Variants in GNB1 observed in about 807,000 individuals in gnomAD.
The protein encoded by GNB1 is G protein subunit beta 1.
A neutral mutation model predicts 42.9 loss-of-function variants in GNB1; 2 were observed. The observed-to-expected ratio is 0.05, with a 90% CI of 0.02 to 0.15. The LOEUF is 0.15. Among genes scored for constraint, GNB1 ranks in the 10% least tolerant of loss-of-function variants. The pLI is 1.00. For synonymous variants in GNB1, 183 were observed against 174.7 expected (o/e 1.05, Z -0.38); for missense variants, 193 against 462.2 (o/e 0.42, Z 5.34).
chr1:1,841,142 G>A (rs1009127583), intron 1 of GNB1, among the ~76,000 whole-genome samples: 22 of 151,906 alleles, frequency 1.4e-4, no homozygotes, highest in African/African-American at 5.1e-4. Flanking sequence ...TGCCCACCTC[G>A]GCCTCCCAAA....
chr1:1,809,117 C>A (rs994829878), intron 5 of GNB1, among the ~76,000 whole-genome samples: 1 of 151,852 alleles, frequency 6.6e-6, no homozygotes, highest in African/African-American at 2.4e-5. Flanking sequence ...TTTTCACCTG[C>A]ACTTTATTAC....
At chr1:1,866,560 C>T (rs1407106481) in intron 1 of GNB1, among the ~76,000 whole-genome samples, 1 of 151,840 alleles carries the variant, frequency 6.6e-6, no homozygotes, top group Non-Finnish European at 1.5e-5. Context: ...AATCTTTTGG[C>T]TTCCCTGGGC....
At chr1:1,829,197 C>T (rs1647041701) in intron 2 of GNB1, among the ~76,000 whole-genome samples, 2 of 152,098 alleles carry the variant, frequency 1.3e-5, no homozygotes, top group Non-Finnish European at 2.9e-5. Flanking sequence ...GCTGGAATTA[C>T]AGGCGTATGC....
chr1:1,837,931 G>A (rs895074900), intron 2 of GNB1, among the ~76,000 whole-genome samples: 4 of 152,046 alleles, frequency 2.6e-5, no homozygotes, highest in Non-Finnish European at 4.4e-5. Context: ...AACCAGGCGT[G>A]GTGGCTCACG....
intron 6 of GNB1, among the ~76,000 whole-genome samples, chr1:1,805,062 T>TG (rs1255032606): frequency 6.6e-6 from 1 of 152,198 alleles, no homozygotes; most frequent in Non-Finnish European, 1.5e-5. Flanking sequence ...CTTGAGTGAC[T>TG]GGGGCAGGAG....
chr1:1,848,915 A>C (rs992992511), intron 1 of GNB1, among the ~76,000 whole-genome samples: 1 of 152,244 alleles, frequency 6.6e-6, no homozygotes, highest in African/African-American at 2.4e-5. Context: ...AAGGAGCTTC[A>C]AAAACTATTG....
At chr1:1,817,649 T>A in intron 4 of GNB1, 188 bp downstream of exon 4, 1 of 491,228 alleles carries the variant, frequency 2.0e-6, no homozygotes, top group Non-Finnish European at 3.7e-6. Context: ...AGATATCTCA[T>A]TTTTATCTCA....
chr1:1,889,785 A>G (rs1311303969), intron 1 of GNB1, among the ~76,000 whole-genome samples: 2 of 152,272 alleles, frequency 1.3e-5, no homozygotes, highest in East Asian at 3.9e-4. Context: ...TGAATCAACT[A>G]TCGATTCACA....
chr1:1,889,863 A>G (rs550098822), intron 1 of GNB1, among the ~76,000 whole-genome samples: 1 of 152,110 alleles, frequency 6.6e-6, no homozygotes, highest in Admixed American at 6.6e-5. Context: ...TTTTCAACAG[A>G]TCTCCCCACT....
chr1:1,832,367 C>A (rs985692273), intron 2 of GNB1: 5 of 152,312 alleles, frequency 3.3e-5, no homozygotes, highest in Admixed American at 6.5e-5. Flanking sequence ...TGTGCTGACT[C>A]CAAGAGCCCG....
chr1:1,841,112 G>A (rs1028965222), intron 1 of GNB1, among the ~76,000 whole-genome samples: 2 of 151,988 alleles, frequency 1.3e-5, no homozygotes, highest in Non-Finnish European at 2.9e-5. Context: ...GTATGGTCTC[G>A]ATCTCCTGAC....
intron 5 of GNB1, among the ~76,000 whole-genome samples, chr1:1,808,409 A>G (rs1163010391): frequency 6.6e-6 from 1 of 152,134 alleles, no homozygotes; most frequent in Non-Finnish European, 1.5e-5. Flanking sequence ...ATGAATAAGG[A>G]GCAAAAGAAT....
chr1:1,852,251 C>T lies in GNB1; in HGVS notation c.-95-13013G>A, dbSNP rs115692047. Among the ~76,000 whole-genome samples, 1,265 of 151,944 alleles carry T rather than the reference C, an allele frequency of 8.3e-3. 21 individuals carry two copies. Among genetic ancestry groups the T allele is most frequent in the African/African-American group, 0.029 (1,211 of 41,464 alleles). On this transcript the variant is annotated intron_variant, in intron 1 of 11. Transcript: ENST00000378609. ...CCTGCCTCTCAAATTTTTTTTGAGA[C>T]GGCATCTTGCTCTGTCGCCCAGGCT...
At chr1:1,854,892 G>A (rs1210678775) in intron 1 of GNB1, among the ~76,000 whole-genome samples, 2 of 152,178 alleles carry the variant, frequency 1.3e-5, no homozygotes, top group African/African-American at 2.4e-5. Context: ...CGGGCGTGGT[G>A]GCTCACGCCT....
chr1:1,807,491 AAAC>A (rs1646717252), intron 5 of GNB1, among the ~76,000 whole-genome samples: 1 of 144,128 alleles, frequency 6.9e-6, no homozygotes, highest in Admixed American at 6.9e-5. Context: ...AAAAAAAAAA[AAAC>A]AAACAGAAAG....
At chr1:1,840,281 C>T (rs548247994) in intron 1 of GNB1, among the ~76,000 whole-genome samples, 1 of 151,414 alleles carries the variant, frequency 6.6e-6, no homozygotes, top group East Asian at 1.9e-4. Flanking sequence ...GTAATCCCAG[C>T]ACTTTGGGAG....
chr1:1,787,567 G>C lies in GNB1; in HGVS notation c.917-130C>G, dbSNP rs1214450153. On this transcript the variant is annotated intron_variant, in intron 10 of 11. Coordinates refer to ENST00000378609, the MANE Select transcript of GNB1 (RefSeq NM_002074.5). The surrounding 1 kb of genome is among the most constrained non-coding windows in gnomAD (Gnocchi z 4.4). ...ACCCAGAGTCTCCCACGGCCAGGAAGGGAGGGAAAGTTGCATCCACGTGGG... is the reference window on the plus strand; with the variant it reads ...ACCCAGAGTCTCCCACGGCCAGGAACGGAGGGAAAGTTGCATCCACGTGGG... 1 of 579,622 alleles carries C rather than the reference G, an allele frequency of 1.7e-6. No individual in the cohort carries two copies. The highest frequency in any genetic ancestry group is 3.0e-6 in the Non-Finnish European group (1 of 329,298). The allele number at this position is 579,622 out of a possible 1,614,324, so 35.9% of individuals were successfully genotyped here.
chr1:1,820,601 T>C (rs1460919119), intron 3 of GNB1, among the ~76,000 whole-genome samples: 3 of 152,184 alleles, frequency 2.0e-5, no homozygotes, highest in Admixed American at 6.6e-5. Flanking sequence ...CTGAGTTTAA[T>C]ATTTGTTTTT....
At chr1:1,882,426 CAAAAAAAAAAAAAA>C (rs5772052) in intron 1 of GNB1, among the ~76,000 whole-genome samples, 7 of 71,646 alleles carry the variant, frequency 9.8e-5, no homozygotes, top group African/African-American at 5.2e-4. Flanking sequence ...GACTCCAACT[CAAAAAAAAAAAAAA>C]AAAAAAAAAA....
Sources: gnomAD v4.1 joint callset for allele counts (sites outside exome capture counted in the v4.1 genomes callset) on GRCh38, gnomAD v4.1.1 for gene constraint, Gnocchi (gnomAD v3.1) non-coding constraint, MANE v1.5 for transcripts, NCBI Gene and HGNC (gene_info 2026-07-23, HGNC 2026-07-21) for gene names.